MCC: variants seen among roughly 807,000 people sequenced by gnomAD.
MCC encodes MCC regulator of Wnt signaling pathway.
A neutral mutation model predicts 116.2 loss-of-function variants in MCC; 90 were observed. The observed-to-expected ratio is 0.77, with a 90% CI of 0.65 to 0.92. The LOEUF (loss-of-function observed/expected upper bound fraction) is 0.92. MCC is among the 40% of genes least tolerant of loss of function. MCC has a pLI of 0.00. For missense variants in MCC, 1,516 were observed against 1,312.2 expected (o/e 1.16, Z -2.40); for synonymous variants, 578 against 510.5 (o/e 1.13, Z -1.78).
At chr5:113,204,139 C>A (rs2150320247) in intron 3 of MCC, among the ~76,000 whole-genome samples, 1 of 152,292 alleles carries the variant, frequency 6.6e-6, no homozygotes, top group South Asian at 2.1e-4. Flanking sequence ...GGAGTAACTA[C>A]ATCTGTGCCT....
At chr5:113,154,299 A>G (rs1760047170) in intron 3 of MCC, among the ~76,000 whole-genome samples, 1 of 152,264 alleles carries the variant, frequency 6.6e-6, no homozygotes, top group African/African-American at 2.4e-5. Flanking sequence ...AAAACCTGTA[A>G]CAATGAGGTA....
chr5:113,071,415 G>A (rs1754033653), intron 11 of MCC, among the ~76,000 whole-genome samples, 181 bp from the exon 12 acceptor site: 1 of 152,156 alleles, frequency 6.6e-6, no homozygotes, highest in Non-Finnish European at 1.5e-5. Context: ...AACTCTGTGT[G>A]AATTACAAAT....
chr5:113,023,021 G>C lies in MCC; in HGVS notation c.*4281C>G, dbSNP rs2150201574. 6.6e-6 allele frequency: 1 copy of C among 152,296 alleles called. No individual in the cohort carries two copies. The highest frequency in any genetic ancestry group is 1.9e-4 in the East Asian group (1 of 5,192). The allele number at this position is 152,296 out of a possible 1,614,324, so 9.4% of individuals were successfully genotyped here. A position where few individuals can be genotyped will look rare whatever the true frequency, so the allele number is the denominator to read the frequency against. ...AGGTATTAGCAAAACAAGAATACAT[G>C]AACAGCTGCTATCAACTTGTATACT... On this transcript the variant is annotated 3_prime_UTR_variant, in exon 19 of 19. Coordinates refer to ENST00000408903, the MANE Select transcript of MCC (RefSeq NM_001085377.2).
intron 3 of MCC, among the ~76,000 whole-genome samples, chr5:113,177,846 T>C (rs1217544457): frequency 6.6e-6 from 1 of 152,218 alleles, no homozygotes; most frequent in African/African-American, 2.4e-5. Flanking sequence ...GCCATCAAGT[T>C]AATGTATCAT....
chr5:113,066,635 G>C (rs1252633953), intron 13 of MCC, among the ~76,000 whole-genome samples: 1 of 152,190 alleles, frequency 6.6e-6, no homozygotes, highest in Non-Finnish European at 1.5e-5. Flanking sequence ...TGTGCAAGTC[G>C]AAACTGAAGG....
intron 1 of MCC, among the ~76,000 whole-genome samples, chr5:113,418,683 CATTATT>C (rs3068637): frequency 6.7e-6 from 1 of 149,242 alleles, no homozygotes; most frequent in Admixed American, 6.6e-5. Flanking sequence ...AAATCTTCAT[CATTATT>C]ATCATCATCA....
At chr5:113,201,281 G>T (rs1425878384) in intron 3 of MCC, among the ~76,000 whole-genome samples, 1 of 151,702 alleles carries the variant, frequency 6.6e-6, no homozygotes, top group Non-Finnish European at 1.5e-5. Flanking sequence ...AGCTACTCGG[G>T]AGGCTGAAGC....
chr5:113,275,047 C>A (rs1305747896), intron 3 of MCC, among the ~76,000 whole-genome samples: 2 of 152,174 alleles, frequency 1.3e-5, no homozygotes, highest in African/African-American at 4.8e-5. Context: ...CAGCTTGTGG[C>A]CTTCCCTTTA....
chr5:113,295,690 G>T (rs768375778), intron 3 of MCC, among the ~76,000 whole-genome samples: 3 of 152,206 alleles, frequency 2.0e-5, no homozygotes, highest in Non-Finnish European at 4.4e-5. Flanking sequence ...AGTTCCCGAG[G>T]TAAAACATCC....
At chr5:113,090,914 G>T (rs1298334773) in intron 8 of MCC, among the ~76,000 whole-genome samples, 2 of 152,250 alleles carry the variant, frequency 1.3e-5, no homozygotes, top group East Asian at 3.8e-4. Flanking sequence ...TGCCAGAAAT[G>T]AGAAAGAAGG....
chr5:113,344,243 C>A (rs1222610403), intron 2 of MCC, among the ~76,000 whole-genome samples: 1 of 152,168 alleles, frequency 6.6e-6, no homozygotes, highest in Non-Finnish European at 1.5e-5. Context: ...TTGGATCAGC[C>A]CTAGCCAGAG....
At chr5:113,205,566 G>A (rs1221660044) in intron 3 of MCC, among the ~76,000 whole-genome samples, 1 of 152,332 alleles carries the variant, frequency 6.6e-6, no homozygotes, top group East Asian at 1.9e-4. Context: ...TGCATTTGAA[G>A]ATAAATATTA....
intron 1 of MCC, among the ~76,000 whole-genome samples, chr5:113,403,622 A>G (rs1769752841): frequency 6.6e-6 from 1 of 152,192 alleles, no homozygotes; most frequent in African/African-American, 2.4e-5. Flanking sequence ...AGAGGTGGTA[A>G]AGTTCCAGCC....
intron 2 of MCC, among the ~76,000 whole-genome samples, chr5:113,356,848 C>A (rs1768426968): frequency 6.6e-6 from 1 of 152,204 alleles, no homozygotes; most frequent in South Asian, 2.1e-4. Context: ...TATTCAAAGT[C>A]CACCACACTA....
intron 3 of MCC, among the ~76,000 whole-genome samples, chr5:113,185,438 A>G (rs973868298): frequency 6.6e-6 from 1 of 152,204 alleles, no homozygotes; most frequent in African/African-American, 2.4e-5. Flanking sequence ...GAGACCATCT[A>G]TCTTGTTTGA....
chr5:113,333,820 C>CATATGT (rs1767769973), intron 3 of MCC, among the ~76,000 whole-genome samples: 1 of 85,582 alleles, frequency 1.2e-5, no homozygotes, highest in African/African-American at 5.3e-5. Context: ...TATATATGTA[C>CATATGT]ATATATGTAT....
At chr5:113,310,651 T>G (rs148109432) in intron 3 of MCC, among the ~76,000 whole-genome samples, 282 of 152,326 alleles carry the variant, frequency 1.9e-3, no homozygotes, top group African/African-American at 6.6e-3. Flanking sequence ...TTCAAACACC[T>G]TCCACTACTG....
At position 113,064,109 on chromosome 5, in the gene MCC, C is replaced by T. The variant is rs768187627; in HGVS notation, c.2088G>A (p.Arg696=). 1.2e-6 allele frequency: 2 copies of T among 1,614,056 alleles called. No individual in the cohort carries two copies. Among genetic ancestry groups the T allele is most frequent in the Non-Finnish European group, 1.7e-6 (2 of 1,180,018 alleles). Reference sequence around the variant, plus strand: ...CCTTGGCAGCGTTCTCAGCTGTCTTCCGGCAGTCATGAGCTCGCTTGAGCA... The same window carrying T: ...CCTTGGCAGCGTTCTCAGCTGTCTTTCGGCAGTCATGAGCTCGCTTGAGCA... ...TQMLKRAHDC[R]KTAENAAKAL... The change falls in exon 14 of 19, where the codon CGG becomes CGA. Residue 696 remains arginine, a synonymous_variant. Transcript: ENST00000408903.
chr5:113,451,998 G>T (rs1243403758), intron 1 of MCC, among the ~76,000 whole-genome samples: 2 of 152,168 alleles, frequency 1.3e-5, no homozygotes, highest in Admixed American at 6.5e-5. Flanking sequence ...TTGGCTGTAG[G>T]CACTGGCTGT....
Sources: gnomAD v4.1 joint callset for allele counts (sites outside exome capture counted in the v4.1 genomes callset) on GRCh38, gnomAD v4.1.1 for gene constraint, MANE v1.5 for transcripts, NCBI Gene and HGNC (gene_info 2026-07-23, HGNC 2026-07-21) for gene names.